WIF1: variants seen among roughly 807,000 people sequenced by gnomAD.
WIF1 encodes the protein Wnt inhibitory factor 1.
In WIF1, 35 loss-of-function variants were observed where a neutral mutation model predicts 53.5. That is an observed-to-expected ratio of 0.65 (90% CI 0.50 to 0.87). The LOEUF (loss-of-function observed/expected upper bound fraction) is 0.87. Among genes scored for constraint, WIF1 ranks in the 40% least tolerant of loss-of-function variants. The pLI, the probability that WIF1 is intolerant of heterozygous loss-of-function variation, is 0.00. For missense variants in WIF1, 467 were observed against 476.8 expected, an observed-to-expected ratio of 0.98 and a Z score of 0.19; for synonymous variants, 171 against 170.4, an observed-to-expected ratio of 1.00 and a Z score of -0.03.
intron 2 of WIF1, among the ~76,000 whole-genome samples, chr12:65,090,000 G>A (rs1369954126): frequency 1.3e-5 from 2 of 152,082 alleles, no homozygotes; most frequent in African/African-American, 4.8e-5. Context: ...AGTTAGTATA[G>A]TCTAAAAAAA....
At chr12:65,056,366 C>CTTT (rs10584146) in intron 7 of WIF1, among the ~76,000 whole-genome samples, 2 of 24,264 alleles carry the variant, frequency 8.2e-5, no homozygotes, top group African/African-American at 2.8e-4. Context: ...CATTTATATC[C>CTTT]TTTTTTTTTT....
intron 2 of WIF1, among the ~76,000 whole-genome samples, chr12:65,100,189 T>G (rs1592401168): frequency 6.6e-6 from 1 of 152,206 alleles, no homozygotes; most frequent in East Asian, 1.9e-4. Flanking sequence ...AGTTTTGTAT[T>G]TGTAGGCTAG....
chr12:65,088,098 G>A (rs1198736344), intron 2 of WIF1, among the ~76,000 whole-genome samples: 2 of 152,106 alleles, frequency 1.3e-5, no homozygotes, highest in Non-Finnish European at 2.9e-5. Context: ...CATTTCCTGA[G>A]GAGCACTGAT....
chr12:65,071,199 A>G (rs533559615), intron 3 of WIF1, among the ~76,000 whole-genome samples: 1 of 146,028 alleles, frequency 6.8e-6, no homozygotes, highest in Non-Finnish European at 1.5e-5. Flanking sequence ...GAGCCACTGC[A>G]GTCCAGCCTG....
chr12:65,076,632 C>G (rs1309426753), intron 3 of WIF1, among the ~76,000 whole-genome samples: 2 of 152,058 alleles, frequency 1.3e-5, no homozygotes, highest in African/African-American at 4.8e-5. Context: ...TTTCTGAATA[C>G]CTGTTCTGTG....
intron 2 of WIF1, among the ~76,000 whole-genome samples, chr12:65,079,160 A>G (rs1183500414): frequency 1.1e-4 from 8 of 74,090 alleles, no homozygotes; most frequent in South Asian, 4.3e-4. Flanking sequence ...GCAAGACTCC[A>G]TCTCAAAAAA....
chr12:65,083,198 G>A (rs1241353407), intron 2 of WIF1, among the ~76,000 whole-genome samples: 1 of 152,198 alleles, frequency 6.6e-6, no homozygotes, highest in Admixed American at 6.5e-5. Flanking sequence ...CACTGGGTAT[G>A]AGAGGTACTA....
intron 7 of WIF1, among the ~76,000 whole-genome samples, chr12:65,062,018 C>T (rs1019087544): frequency 6.6e-6 from 1 of 152,038 alleles, no homozygotes; most frequent in Non-Finnish European, 1.5e-5. Flanking sequence ...TCTTTTTTCT[C>T]GTTTTTCTTG....
At chr12:65,116,213 C>A (rs529034770) in intron 2 of WIF1, among the ~76,000 whole-genome samples, 1 of 152,198 alleles carries the variant, frequency 6.6e-6, no homozygotes, top group South Asian at 2.1e-4. Context: ...GGTCCCCAAC[C>A]CTCGGGGCAC....
Position 65,121,125 on chromosome 12 carries a change from C to T in WIF1, c.67G>A (p.Ala23Thr), listed in dbSNP as rs1373031475. ...WLWSILLCLLALRAEAGPPQE... is the reference protein window; with the variant it reads ...WLWSILLCLLTLRAEAGPPQE... ...GGCGGCCCGGCCTCCGCCCGCAGTGCCAGCAGGCACAGGAGGATGCTCCAG... is the reference window on the plus strand; with the variant it reads ...GGCGGCCCGGCCTCCGCCCGCAGTGTCAGCAGGCACAGGAGGATGCTCCAG... The change falls in exon 1 of 10, where the codon GCA becomes ACA. Residue 23 changes from alanine (A) to threonine (T), a missense_variant. Coordinates refer to ENST00000286574, the MANE Select transcript of WIF1 (RefSeq NM_007191.5). The T allele has an allele frequency of 2.6e-6, 4 of 1,548,980 alleles. No homozygotes were observed. The East Asian group carries it at 7.3e-5, about 28-fold the overall frequency.
rs1472827548 is a variant in WIF1 at position 65,121,165 on chromosome 12, G to T, written c.27C>A (p.Ala9=). ...GGATGCTCCAGAGCCAGAGCGCGGCGGCAGGGAAGGCGCTCCTCCGGGCCA... is the reference window on the plus strand; with the variant it reads ...GGATGCTCCAGAGCCAGAGCGCGGCTGCAGGGAAGGCGCTCCTCCGGGCCA... MARRSAFP[A]AALWLWSILL... is the part of the protein sequence containing the mutation. Residue 9 remains alanine (A), a synonymous_variant, in exon 1 of 10, where the codon GCC becomes GCA. Coordinates refer to ENST00000286574, the MANE Select transcript of WIF1 (RefSeq NM_007191.5). 3 of 1,545,672 alleles carry T rather than the reference G, an allele frequency of 1.9e-6. No homozygotes were observed. Among genetic ancestry groups the T allele is most frequent in the Admixed American group, 2.0e-5 (1 of 50,618 alleles).
intron 2 of WIF1, among the ~76,000 whole-genome samples, chr12:65,110,025 G>T (rs1402321472): frequency 6.6e-6 from 1 of 152,180 alleles, no homozygotes; most frequent in Admixed American, 6.5e-5. Flanking sequence ...GACAGATCTT[G>T]CATTTGTATA....
chr12:65,100,893 T>C (rs1277062407), intron 2 of WIF1, among the ~76,000 whole-genome samples: 2 of 151,842 alleles, frequency 1.3e-5, no homozygotes, highest in African/African-American at 4.8e-5. Flanking sequence ...AAATATTGTG[T>C]AGCCACTTAA....
chr12:65,102,727 G>T, intron 2 of WIF1, among the ~76,000 whole-genome samples: 1 of 152,174 alleles, frequency 6.6e-6, no homozygotes, highest in East Asian at 1.9e-4. Context: ...AATTTATGGA[G>T]GCACTCATTC....
At chr12:65,089,973 A>C (rs1037464136) in intron 2 of WIF1, among the ~76,000 whole-genome samples, 32 of 152,186 alleles carry the variant, frequency 2.1e-4, no homozygotes, top group African/African-American at 7.7e-4. Context: ...GTTTCTAAAA[A>C]ATGAATGCAA....
chr12:65,106,884 AT>A (rs1429450050), intron 2 of WIF1, among the ~76,000 whole-genome samples: 2 of 152,240 alleles, frequency 1.3e-5, no homozygotes, highest in African/African-American at 4.8e-5. Flanking sequence ...TTCTGCCGAA[AT>A]TTGAGCAATT....
In WIF1 at chr12:65,050,805, C is replaced by T. The variant is rs753370242; in HGVS notation, c.*544G>A. 2 of 197,838 alleles carry T rather than the reference C, an allele frequency of 1.0e-5. No individual in the cohort carries two copies. Among genetic ancestry groups the T allele is most frequent in the Non-Finnish European group, 2.1e-5 (2 of 96,898 alleles). 12.3% of individuals were successfully genotyped at this position (197,838 alleles called of 1,614,324 possible). A position where few individuals can be genotyped will look rare whatever the true frequency, so the allele number is the denominator to read the frequency against. On this transcript the variant is annotated 3_prime_UTR_variant, in exon 10 of 10. Transcript: ENST00000286574. ...ATATTATATTGTTTAAATGCCACTACCACAGTGTAATTTTTTTTTTTTTAA... is the reference window on the plus strand; with the variant it reads ...ATATTATATTGTTTAAATGCCACTATCACAGTGTAATTTTTTTTTTTTTAA...
intron 3 of WIF1, among the ~76,000 whole-genome samples, chr12:65,073,678 A>G (rs1339565179): frequency 6.6e-6 from 1 of 152,164 alleles, no homozygotes; most frequent in African/African-American, 2.4e-5. Context: ...AATGAATGCT[A>G]CCTGGATGCT....
At chr12:65,120,648 T>G in intron 1 of WIF1, 92 bp from the exon 2 acceptor site, 2 of 1,440,340 alleles carry the variant, frequency 1.4e-6, no homozygotes, top group Non-Finnish European at 1.9e-6. Context: ...AAAGAATTAG[T>G]GTGGGTCATT....
Sources: gnomAD v4.1 joint callset for allele counts (sites outside exome capture counted in the v4.1 genomes callset) on GRCh38, gnomAD v4.1.1 for gene constraint, MANE v1.5 for transcripts, NCBI Gene and HGNC (gene_info 2026-07-23, HGNC 2026-07-21) for gene names.